Variants in ZNF208 observed in about 807,000 individuals in gnomAD.
ZNF208 encodes the protein zinc finger protein 208, also known as zinc finger protein 95.
ZNF208 carries 10 observed loss-of-function variants against 12.1 expected under a neutral mutation model. That is an observed-to-expected ratio of 0.83 (90% CI 0.51 to 1.40). The LOEUF (loss-of-function observed/expected upper bound fraction) is 1.40, where lower values mean the gene tolerates loss of function less well. Among genes scored for constraint, ZNF208 ranks in the 40% most tolerant of loss-of-function variants. The probability of loss-of-function intolerance (pLI) is 0.00; values close to 1 mark genes in which losing one functional copy is unlikely to be tolerated. For synonymous variants in ZNF208, 497 were observed against 488.4 expected, an observed-to-expected ratio of 1.02 and a Z score of -0.23; for missense variants, 1,652 against 1,485.0, an observed-to-expected ratio of 1.11 and a Z score of -1.85.
intron 1 of ZNF208, among the ~76,000 whole-genome samples, chr19:21,993,785 C>T (rs564557297): frequency 2.9e-4 from 44 of 152,182 alleles, no homozygotes; most frequent in Middle Eastern, 3.4e-3. Context: ...GACAATCATT[C>T]TTCATCCTAA....
intron 1 of ZNF208, among the ~76,000 whole-genome samples, chr19:22,005,140 T>A (rs1971022556): frequency 6.6e-6 from 1 of 152,180 alleles, no homozygotes; most frequent in African/African-American, 2.4e-5. Flanking sequence ...TGTAGACACT[T>A]TTGTGGTTTT....
intron 1 of ZNF208, among the ~76,000 whole-genome samples, chr19:22,004,408 C>T (rs1287941556): frequency 6.6e-6 from 1 of 151,490 alleles, no homozygotes; most frequent in Non-Finnish European, 1.5e-5. Flanking sequence ...CCCAGCTACT[C>T]CAGAGGCTGT....
chr19:22,001,810 T>C (rs546947902), intron 1 of ZNF208, among the ~76,000 whole-genome samples: 1 of 139,958 alleles, frequency 7.1e-6, no homozygotes, highest in East Asian at 2.2e-4. Flanking sequence ...GGAGAATCAC[T>C]TGAACCTGGG....
chr19:21,960,375 TAAAA>T lies in ZNF208; in HGVS notation c.305+14350_305+14353del, dbSNP rs903418754. ...TATAAAATTAAAATGTTTCTAGAAATAAAAAAAGAGATACATAAGTAAGAAAAGG... is the reference window on the plus strand; with the variant it reads ...TATAAAATTAAAATGTTTCTAGAAATAAAGAGATACATAAGTAAGAAAAGG... On this transcript the variant is annotated intron_variant, in intron 4 of 4. Transcript: ENST00000599916. Among the ~76,000 whole-genome samples the T allele has an allele frequency of 6.6e-5, 10 of 151,652 alleles. No individual in the cohort carries two copies. In the East Asian group the frequency reaches 7.7e-4, roughly 12 times the overall value.
intron 4 of ZNF208, among the ~76,000 whole-genome samples, chr19:21,947,061 T>C (rs117474735): frequency 0.013 from 2,047 of 152,198 alleles, 24 homozygotes; most frequent in Middle Eastern, 0.041. Flanking sequence ...GATATAATCA[T>C]GCTGAGTAAA....
chr19:21,981,194 G>A (rs1970530834), intron 3 of ZNF208, among the ~76,000 whole-genome samples: 1 of 152,054 alleles, frequency 6.6e-6, no homozygotes, highest in South Asian at 2.1e-4. Context: ...AGGGACTCCT[G>A]TCTAACTCAT....
At chr19:21,940,362 C>G (rs1276243327) in intron 4 of ZNF208, 1 of 151,954 alleles carries the variant, frequency 6.6e-6, no homozygotes, top group African/African-American at 2.4e-5. Flanking sequence ...ATTCAGAAAG[C>G]ACTATTAAAA....
chr19:21,992,555 A>C (rs1384779522), intron 1 of ZNF208, among the ~76,000 whole-genome samples: 1 of 152,212 alleles, frequency 6.6e-6, no homozygotes, highest in East Asian at 1.9e-4. Context: ...ATAATAAAGA[A>C]CACAGATGAA....
intron 4 of ZNF208, among the ~76,000 whole-genome samples, chr19:21,957,830 T>C (rs1260494565): frequency 6.6e-6 from 1 of 151,732 alleles, no homozygotes; most frequent in Non-Finnish European, 1.5e-5. Context: ...AAATTTTATT[T>C]TATTTTATTT....
rs757469943 is a variant in ZNF208 at position 21,972,216 on chromosome 19, C to A, written c.2818G>T (p.Ala940Ser). Reference protein sequence around the residue: ...SVFSKHKKTHAGEKFYKCEAC... With the variant: ...SVFSKHKKTHSGEKFYKCEAC... ...TCACATTTGTAGAATTTCTCTCCAG[C>A]ATGAGTTTTCTTATGTTTACTAAAG... Residue 940 changes from alanine to serine, a missense_variant, in exon 4 of 4, where the codon GCT becomes TCT. Around this residue, in one of 3 missense-constraint regions of ZNF208, gnomAD observed 1,239 missense variants for 1,086.2 expected, o/e 1.14. Coordinates refer to ENST00000397126, the MANE Select transcript of ZNF208 (RefSeq NM_007153.3). 2 of 1,610,656 alleles carry A rather than the reference C, an allele frequency of 1.2e-6. No individual in the cohort carries two copies. Among genetic ancestry groups the A allele is most frequent in the Admixed American group, 1.7e-5 (1 of 59,514 alleles).
At chr19:21,993,546 T>A (rs1427876533) in intron 1 of ZNF208, among the ~76,000 whole-genome samples, 5 of 151,994 alleles carry the variant, frequency 3.3e-5, no homozygotes, top group Non-Finnish European at 5.9e-5. Context: ...CCTCTCAAGC[T>A]CTAATGAGCT....
At chr19:21,946,728 A>T (rs937857152) in intron 4 of ZNF208, among the ~76,000 whole-genome samples, 3 of 152,110 alleles carry the variant, frequency 2.0e-5, no homozygotes, top group African/African-American at 7.2e-5. Flanking sequence ...TTCTTGTCCT[A>T]AGTTTTTGTC....
In ZNF208 at chr19:21,972,297, C is replaced by G; in HGVS notation, c.2737G>C (p.Gly913Arg). The change falls in exon 4 of 4, where the codon GGA becomes CGA. Residue 913 changes from glycine to arginine, a missense_variant. Coordinates refer to ENST00000397126, the MANE Select transcript of ZNF208 (RefSeq NM_007153.3). ...ILTKHEVIHT[G>R]EKPYKCEECG... ...TCTTCACATTTGTAGGGTTTCTCTCCAGTATGAATTACCTCATGTTTAGTA... is the reference window on the plus strand; with the variant it reads ...TCTTCACATTTGTAGGGTTTCTCTCGAGTATGAATTACCTCATGTTTAGTA... 1 of 1,613,720 alleles carries G rather than the reference C, an allele frequency of 6.2e-7. No individual in the cohort carries two copies. The highest frequency in any genetic ancestry group is 8.5e-7 in the Non-Finnish European group (1 of 1,179,916).
rs8104333 is a variant in ZNF208 at position 21,970,999 on chromosome 19, G to C, written c.*192C>G. Among the ~76,000 whole-genome samples the C allele has an allele frequency of 0.14, 21,619 of 151,728 alleles. 1,713 individuals are homozygous for C. The highest frequency in any genetic ancestry group is 0.22 in the Admixed American group (3,292 of 15,212). ...TAGTAAGGATTGAGAACATACTAAA[G>C]CCTTTACCACATTCTTCACATTTGT... is the stretch of plus-strand genomic sequence containing the variant. On this transcript the variant is annotated 3_prime_UTR_variant, in exon 4 of 4. Coordinates refer to ENST00000397126, the MANE Select transcript of ZNF208 (RefSeq NM_007153.3).
At chr19:21,960,621 T>C (rs540635583) in intron 4 of ZNF208, among the ~76,000 whole-genome samples, 3 of 152,256 alleles carry the variant, frequency 2.0e-5, no homozygotes, top group East Asian at 3.9e-4. Context: ...CTGGAATGGA[T>C]AGTGTCCATA....
chr19:21,998,947 C>T (rs1166574673), intron 1 of ZNF208: 1 of 151,762 alleles, frequency 6.6e-6, no homozygotes, highest in African/African-American at 2.4e-5. Flanking sequence ...AGCCATATCA[C>T]TTGTCTTTGT....
rs1237078859 is a variant in ZNF208, at chr19:21,971,230, G to A, written c.3804C>T (p.Phe1268=). The stretch of plus-strand genomic sequence containing the variant: ...CAGTATGAATTTTCTTATGTTTACT[G>A]AAGACTGATAACCAGCTGAAGGCTT... ...CGKAFSWLSV[F]SKHKKIHTGE... is the part of the protein sequence containing the mutation. The change falls in exon 4 of 4, where the codon TTC becomes TTT. Residue 1268 remains phenylalanine (F), a synonymous_variant. Transcript: ENST00000397126. The A allele has an allele frequency of 6.2e-7, 1 of 1,601,572 alleles. No homozygotes were observed. Among genetic ancestry groups the A allele is most frequent in the Non-Finnish European group, 8.5e-7 (1 of 1,176,334 alleles).
intron 4 of ZNF208, among the ~76,000 whole-genome samples, chr19:21,958,162 G>A (rs1008004517): frequency 9.4e-5 from 13 of 139,006 alleles, no homozygotes; most frequent in African/African-American, 3.5e-4. Flanking sequence ...AAGGAATTTT[G>A]TGAGTAGTTT....
intron 4 of ZNF208, among the ~76,000 whole-genome samples, chr19:21,958,814 T>A (rs1478061923): frequency 4.6e-5 from 7 of 152,004 alleles, no homozygotes; most frequent in Admixed American, 4.6e-4. Flanking sequence ...GCAGTTAGGG[T>A]CTCCCCTCCT....
Sources: gnomAD v4.1 joint callset for allele counts (sites outside exome capture counted in the v4.1 genomes callset) on GRCh38, gnomAD v4.1.1 for gene constraint, gnomAD v4.1.1 regional missense constraint, MANE v1.5 for transcripts, NCBI Gene and HGNC (gene_info 2026-07-23, HGNC 2026-07-21) for gene names.